The following PCNX2 variants were observed in gnomAD, a reference collection of about 807,000 sequenced individuals.
PCNX2 encodes pecanex 2, also known as pecanex-like protein 2.
In PCNX2, 168 loss-of-function variants were observed where a neutral mutation model predicts 223.8. The ratio of observed to expected loss-of-function variants is 0.75; its 90% confidence interval spans 0.66 to 0.85. PCNX2 has a LOEUF of 0.85. Ranked by LOEUF, PCNX2 falls within the 40% of genes least tolerant of loss-of-function variation. The probability of loss-of-function intolerance (pLI) is 0.00; values close to 1 mark genes in which losing one functional copy is unlikely to be tolerated. For synonymous variants in PCNX2, 1,006 were observed against 1,052.6 expected (o/e 0.96, Z 0.86); for missense variants, 2,507 against 2,675.5 (o/e 0.94, Z 1.39).
chr1:233,183,494 A>C (rs560344243), intron 15 of PCNX2, among the ~76,000 whole-genome samples: 1 of 152,358 alleles, frequency 6.6e-6, no homozygotes, highest in South Asian at 2.1e-4. Flanking sequence ...AATGTGGATC[A>C]GGCAGTGAAA....
At chr1:233,207,201 A>C (rs1271710527) in intron 13 of PCNX2, among the ~76,000 whole-genome samples, 1 of 152,086 alleles carries the variant, frequency 6.6e-6, no homozygotes, top group Non-Finnish European at 1.5e-5. Context: ...TAGAATGCCT[A>C]CCAGGGTTTT....
At chr1:233,271,500 T>C (rs1246692767) in intron 1 of PCNX2, among the ~76,000 whole-genome samples, 1 of 151,710 alleles carries the variant, frequency 6.6e-6, no homozygotes, top group Non-Finnish European at 1.5e-5. Flanking sequence ...ACGAGTGTCA[T>C]GAACTTTCAA....
intron 1 of PCNX2, among the ~76,000 whole-genome samples, chr1:233,270,927 C>T (rs1660609276): frequency 2.0e-5 from 3 of 152,210 alleles, no homozygotes; most frequent in Admixed American, 2.0e-4. Context: ...TAGACTTACT[C>T]ACTTTGAAAA....
chr1:233,210,952 G>C (rs1045687125), intron 12 of PCNX2, among the ~76,000 whole-genome samples: 1 of 152,170 alleles, frequency 6.6e-6, no homozygotes, highest in Non-Finnish European at 1.5e-5. Context: ...TGCAGAGAAG[G>C]AGCAAGGTTC....
At chr1:233,029,839 G>A (rs59589982) in intron 25 of PCNX2, among the ~76,000 whole-genome samples, 5,842 of 152,120 alleles carry the variant, frequency 0.038, 354 homozygotes, top group African/African-American at 0.13. Flanking sequence ...GTAAGATGAC[G>A]ATTACAAATC....
chr1:233,000,680 A>G lies in PCNX2; in HGVS notation c.5098-145T>C, dbSNP rs553139445. The G allele has an allele frequency of 3.0e-6, 2 of 664,962 alleles. No homozygotes were observed. Among genetic ancestry groups the G allele is most frequent in the African/African-American group, 3.6e-5 (2 of 55,352 alleles). The allele number at this position is 664,962 out of a possible 1,614,324, so 41.2% of individuals were successfully genotyped here. A position where few individuals can be genotyped will look rare whatever the true frequency, so the allele number is the denominator to read the frequency against. On this transcript the variant is annotated intron_variant, in intron 29 of 33. Transcript: ENST00000258229. The surrounding 1 kb of genome is among the most constrained non-coding windows in gnomAD (Gnocchi z 4.6). The stretch of plus-strand genomic sequence containing the variant: ...TCTCCTGTTCTTTTTCCAAATCCTG[A>G]GCTCGGCACAGAGGACACCTCTTTA...
At chr1:233,216,226 T>C (rs1157826998) in intron 12 of PCNX2, among the ~76,000 whole-genome samples, 1 of 152,088 alleles carries the variant, frequency 6.6e-6, no homozygotes, top group Non-Finnish European at 1.5e-5. Flanking sequence ...GCACTGCCTG[T>C]CCCATAGCAC....
chr1:233,148,632 C>T (rs961644854), intron 19 of PCNX2, among the ~76,000 whole-genome samples: 5 of 152,046 alleles, frequency 3.3e-5, no homozygotes, highest in African/African-American at 1.2e-4. Context: ...GAGCTCCTGA[C>T]CTCAAGTGAT....
intron 26 of PCNX2, among the ~76,000 whole-genome samples, chr1:233,021,041 TC>T (rs538357130): frequency 3.6e-4 from 54 of 148,626 alleles, no homozygotes; most frequent in African/African-American, 1.2e-3. Context: ...AAGAAAATCA[TC>T]TTTTTTTTTA....
chr1:233,168,901 C>G (rs980650513), intron 17 of PCNX2, among the ~76,000 whole-genome samples: 26 of 151,996 alleles, frequency 1.7e-4, no homozygotes, highest in African/African-American at 6.3e-4. Flanking sequence ...AAAAAAAATG[C>G]CACCTCATTT....
At chr1:233,177,683 G>A (rs1679557971) in intron 17 of PCNX2, 119 bp downstream of exon 17, 1 of 796,582 alleles carries the variant, frequency 1.3e-6, no homozygotes, top group Non-Finnish European at 2.0e-6. Flanking sequence ...TACCAAGCGA[G>A]GTGTATCTTT....
chr1:233,016,698 A>G (rs948111212), intron 27 of PCNX2: 2 of 886,194 alleles, frequency 2.3e-6, no homozygotes, highest in African/African-American at 3.6e-5. Flanking sequence ...TGAGCACTGC[A>G]TAAAGGGATC....
intron 9 of PCNX2, among the ~76,000 whole-genome samples, chr1:233,228,200 G>T (rs1020791924): frequency 1.3e-5 from 2 of 152,032 alleles, no homozygotes; most frequent in African/African-American, 2.4e-5. Flanking sequence ...CCCGTTCTCC[G>T]TGTACAGAAG....
chr1:233,169,868 CT>C (rs1679048249), intron 17 of PCNX2, among the ~76,000 whole-genome samples: 1 of 148,756 alleles, frequency 6.7e-6, no homozygotes, highest in Non-Finnish European at 1.5e-5. Flanking sequence ...AAATCATTTT[CT>C]TGCTTGAAAA....
chr1:233,036,191 C>T (rs1403488972), intron 25 of PCNX2, among the ~76,000 whole-genome samples: 1 of 152,148 alleles, frequency 6.6e-6, no homozygotes, highest in Non-Finnish European at 1.5e-5. Flanking sequence ...TTTCTACCCA[C>T]ACTCATTTTC....
chr1:233,025,605 G>T, intron 25 of PCNX2: 1 of 638,854 alleles, frequency 1.6e-6, no homozygotes, highest in Non-Finnish European at 2.6e-6. Context: ...TTCAGTCTGA[G>T]TCTCTGTAGA....
At chr1:233,141,433 A>G (rs957771680) in intron 19 of PCNX2, among the ~76,000 whole-genome samples, 2 of 152,216 alleles carry the variant, frequency 1.3e-5, no homozygotes, top group African/African-American at 4.8e-5. Flanking sequence ...TTGGGAGGCC[A>G]AGGTGGACAG....
intron 21 of PCNX2, among the ~76,000 whole-genome samples, chr1:233,128,996 C>T (rs1392379378): frequency 6.6e-6 from 1 of 152,220 alleles, no homozygotes; most frequent in African/African-American, 2.4e-5. Flanking sequence ...CTTGGCGCCT[C>T]CTCGGCCTTG....
At chr1:233,325,464 CT>C in the PCNX2 span, among the ~76,000 whole-genome samples, 1 of 147,956 alleles carries the variant, frequency 6.8e-6, no homozygotes, top group Non-Finnish European at 1.5e-5. Flanking sequence ...CGAGACCATC[CT>C]GGCTAACACA....
Sources: gnomAD v4.1 joint callset for allele counts (sites outside exome capture counted in the v4.1 genomes callset) on GRCh38, gnomAD v4.1.1 for gene constraint, Gnocchi (gnomAD v3.1) non-coding constraint, MANE v1.5 for transcripts, NCBI Gene and HGNC (gene_info 2026-07-23, HGNC 2026-07-21) for gene names.